Variants in COL9A1 observed in about 807,000 individuals in gnomAD.
COL9A1 encodes the protein collagen alpha-1(IX) chain.
In COL9A1, 104 loss-of-function variants were observed where a neutral mutation model predicts 142.6. That is an observed-to-expected ratio of 0.73 (90% CI 0.62 to 0.86). The LOEUF is 0.86. Among genes scored for constraint, COL9A1 ranks in the 40% least tolerant of loss-of-function variants. COL9A1 has a pLI of 0.00. For synonymous variants in COL9A1, 466 were observed against 396.0 expected (o/e 1.18, Z -2.10); for missense variants, 1,210 against 1,176.6 (o/e 1.03, Z -0.42).
chr6:70,293,209 G>T (rs1439701906), intron 5 of COL9A1, among the ~76,000 whole-genome samples: 2 of 152,164 alleles, frequency 1.3e-5, no homozygotes, highest in Non-Finnish European at 2.9e-5. Flanking sequence ...GAGAGAGAAA[G>T]AGAGGTTGGC....
At chr6:70,274,120 T>G (rs1562319324) in intron 11 of COL9A1, 38 bp from the exon 12 acceptor site, 1 of 1,488,158 alleles carries the variant, frequency 6.7e-7, no homozygotes. Context: ...TGACCTTTCA[T>G]ATCATGAATA....
At chr6:70,302,504 A>G (rs1041919199) in intron 1 of COL9A1, among the ~76,000 whole-genome samples, 2 of 152,010 alleles carry the variant, frequency 1.3e-5, no homozygotes, top group African/African-American at 4.8e-5. Context: ...CACCGCACCC[A>G]GCCTTCATTT....
chr6:70,226,149 GCAAGGCAAAAAT>G, intron 36 of COL9A1, 140 bp from the exon 37 acceptor site: 2 of 698,566 alleles, frequency 2.9e-6, no homozygotes, highest in Non-Finnish European at 4.9e-6. Context: ...TGAGTATGTA[GCAAGGCAAAAAT>G]CAAGTTCATC....
intron 26 of COL9A1, 126 bp from the exon 27 acceptor site, chr6:70,252,441 C>T: frequency 2.4e-6 from 2 of 833,188 alleles, no homozygotes; most frequent in Non-Finnish European, 2.0e-6. Flanking sequence ...CACTGAGAAT[C>T]TGGGAATGTG....
chr6:70,236,299 A>G (rs1190055099), intron 33 of COL9A1, among the ~76,000 whole-genome samples: 1 of 152,126 alleles, frequency 6.6e-6, no homozygotes, highest in East Asian at 1.9e-4. Context: ...AGCATTTAAA[A>G]GAATCATCTA....
At chr6:70,223,561 A>C (rs1769024401) in intron 37 of COL9A1, among the ~76,000 whole-genome samples, 1 of 152,242 alleles carries the variant, frequency 6.6e-6, no homozygotes, top group African/African-American at 2.4e-5. Context: ...CAAAAAGCTC[A>C]TGTCAGGAAC....
Position 70,283,782 on chromosome 6 carries a change from C to A in COL9A1, c.735G>T (p.Leu245=). The change falls in exon 6 of 38, where the codon CTG becomes CTT. Residue 245 remains leucine (L), a synonymous_variant. Coordinates refer to ENST00000357250, the MANE Select transcript of COL9A1 (RefSeq NM_001851.6). The part of the protein sequence containing the change: ...LQWMLIHCDP[L]RPRRETCHEL... ...CATGGCAAGTTTCTCTCCTGGGCCGCAGGGGGTCACAATGGATCAGCATCC... is the reference window on the plus strand; with the variant it reads ...CATGGCAAGTTTCTCTCCTGGGCCGAAGGGGGTCACAATGGATCAGCATCC... 1.2e-6 allele frequency: 2 copies of A among 1,611,338 alleles called. No individual in the cohort carries two copies. Among genetic ancestry groups the A allele is most frequent in the Non-Finnish European group, 1.7e-6 (2 of 1,178,878 alleles).
intron 28 of COL9A1, among the ~76,000 whole-genome samples, chr6:70,246,962 T>C (rs1345933951): frequency 6.6e-6 from 1 of 152,180 alleles, no homozygotes; most frequent in Non-Finnish European, 1.5e-5. Context: ...TTTTTGAGGA[T>C]TGAATAAGTT....
intron 28 of COL9A1, 80 bp from the exon 29 acceptor site, chr6:70,242,795 C>T: frequency 7.2e-7 from 1 of 1,398,588 alleles, no homozygotes; most frequent in Non-Finnish European, 1.0e-6. Context: ...AAATAACATC[C>T]TACCTAGGTT....
rs369133694 is a variant in COL9A1, at chr6:70,252,259, T to C, written c.1818+3A>G. 53 of 1,614,196 alleles carry C rather than the reference T, an allele frequency of 3.3e-5. No individual in the cohort carries two copies. Among genetic ancestry groups the C allele is most frequent in the African/African-American group, 2.8e-4 (21 of 75,054 alleles). On this transcript the variant is annotated splice_donor_region_variant and intron_variant, in intron 27 of 37. Coordinates refer to ENST00000357250, the MANE Select transcript of COL9A1 (RefSeq NM_001851.6). Reference sequence around the variant, plus strand: ...CTTCAGGAGAGGTAAAATGGTGTCTTACCGGTTTGCCTGAATTTCCCATCT... The same window carrying C: ...CTTCAGGAGAGGTAAAATGGTGTCTCACCGGTTTGCCTGAATTTCCCATCT...
At position 70,240,694 on chromosome 6, in the gene COL9A1, C is replaced by T. The variant is rs1770201930; in HGVS notation, c.2074G>A (p.Glu692Lys). 6.2e-7 allele frequency: 1 copy of T among 1,610,864 alleles called. No individual in the cohort carries two copies. Among genetic ancestry groups the T allele is most frequent in the Non-Finnish European group, 8.5e-7 (1 of 1,177,846 alleles). The change falls in exon 32 of 38, where the codon GAA (glutamate) becomes AAA (lysine). Residue 692 changes from glutamate (E) to lysine (K), a missense_variant. Coordinates refer to ENST00000357250, the MANE Select transcript of COL9A1 (RefSeq NM_001851.6). Reference protein sequence around the residue: ...GEEGEAGERGELGDIGLPGPK... With the variant: ...GEEGEAGERGKLGDIGLPGPK... ...CCAGAAAAAAAAAATCTTACAAGTT[C>T]CCCCCTTTCTCCTGCTTCACCTTCT...
intron 37 of COL9A1, chr6:70,222,902 G>A (rs1456921424): frequency 1.3e-5 from 2 of 152,084 alleles, no homozygotes; most frequent in African/African-American, 2.4e-5. Flanking sequence ...TCCTTTTGAA[G>A]TTTCATCAGG....
rs1017384394 is a variant in COL9A1, at chr6:70,280,492, C to A, written c.975+320G>T. ...TACAATCTATTGCCATCCGTACCCC[C>A]TCTGGCCCCAGTGGGGCTGAGAGTT... is the stretch of plus-strand genomic sequence containing the variant. On this transcript the variant is annotated intron_variant, in intron 10 of 37. Coordinates refer to ENST00000357250, the MANE Select transcript of COL9A1 (RefSeq NM_001851.6). 1.3e-5 allele frequency: 17 copies of A among 1,327,156 alleles called. No individual in the cohort carries two copies. The Admixed American group carries it at 5.6e-4, about 44-fold the overall frequency. 82.2% of individuals were successfully genotyped at this position (1,327,156 alleles called of 1,614,324 possible). A position where few individuals can be genotyped will look rare whatever the true frequency, so the allele number is the denominator to read the frequency against.
At chr6:70,274,187 T>C (rs74971330) in intron 11 of COL9A1, 105 bp from the exon 12 acceptor site, 4 of 788,246 alleles carry the variant, frequency 5.1e-6, no homozygotes, top group African/African-American at 2.6e-5. Flanking sequence ...ATTATGGTGT[T>C]TTTTTTTTTT....
chr6:70,215,542 G>A (rs1205224646), downstream of COL9A1: 1 of 152,206 alleles, frequency 6.6e-6, no homozygotes, highest in East Asian at 1.9e-4. Context: ...TATTAAGTCT[G>A]TTGGATAGTT....
chr6:70,268,436 A>G (rs1360395774), intron 17 of COL9A1, among the ~76,000 whole-genome samples: 1 of 152,086 alleles, frequency 6.6e-6, no homozygotes, highest in African/African-American at 2.4e-5. Flanking sequence ...GTTGGTCTCA[A>G]ACTCCTGGGT....
In COL9A1 at chr6:70,281,435, G is replaced by T. The variant is rs145800598; in HGVS notation, c.831C>A (p.Pro277=). 3.2e-4 allele frequency: 510 copies of T among 1,613,128 alleles called. No homozygotes were observed. The highest frequency in any genetic ancestry group is 4.2e-4 in the Non-Finnish European group (496 of 1,179,780). The change falls in exon 8 of 38, where the codon CCC becomes CCA. Residue 277 remains proline, a synonymous_variant. Transcript: ENST00000357250. ...GAACTCCAGGGGGGCCCGGAGGCCCGGGAGGACCCTGCTCACCCGGGGGAC... is the reference window on the plus strand; with the variant it reads ...GAACTCCAGGGGGGCCCGGAGGCCCTGGAGGACCCTGCTCACCCGGGGGAC... ...ERGPPGEQGP[P]GPPGPPGVPG...
At chr6:70,242,332 C>T (rs1770313462) in intron 29 of COL9A1, among the ~76,000 whole-genome samples, 1 of 152,172 alleles carries the variant, frequency 6.6e-6, no homozygotes, top group Non-Finnish European at 1.5e-5. Flanking sequence ...GGCGCTGCTG[C>T]TCCTCTAGCT....
chr6:70,282,433 C>A (rs116419010), intron 7 of COL9A1, among the ~76,000 whole-genome samples: 7 of 152,192 alleles, frequency 4.6e-5, no homozygotes, highest in African/African-American at 1.7e-4. Flanking sequence ...CCGCCAAGTT[C>A]CGTCCCGGAG....
Sources: allele counts gnomAD v4.1 joint callset (sites outside exome capture counted in the v4.1 genomes callset), GRCh38; gene constraint gnomAD v4.1.1; transcripts MANE v1.5; gene names NCBI Gene and HGNC (gene_info 2026-07-23, HGNC 2026-07-21).